Variants in EPB41L1 observed in about 807,000 individuals in gnomAD.
EPB41L1 encodes band 4.1-like protein 1.
Under a neutral mutation model 97.8 loss-of-function variants are expected in EPB41L1, and 29 were observed. That is an observed-to-expected ratio of 0.30 (90% CI 0.22 to 0.40). The LOEUF (loss-of-function observed/expected upper bound fraction) is 0.40, where lower values mean the gene tolerates loss of function less well. Ranked by LOEUF, EPB41L1 falls within the 10% of genes least tolerant of loss-of-function variation. EPB41L1 has a pLI of 1.00. For synonymous variants in EPB41L1, 383 were observed against 459.2 expected, an observed-to-expected ratio of 0.83 and a Z score of 2.12; for missense variants, 812 against 1,162.3, an observed-to-expected ratio of 0.70 and a Z score of 4.38.
At chr20:36,208,374 G>C (rs139194637) in intron 14 of EPB41L1, 1 of 448,872 alleles carries the variant, frequency 2.2e-6, no homozygotes, top group African/African-American at 2.0e-5. Flanking sequence ...GGGAAGGGGG[G>C]GCGCCTGAGA....
chr20:36,161,362 G>T (rs78530611), intron 1 of EPB41L1, among the ~76,000 whole-genome samples: 3,095 of 152,304 alleles, frequency 0.02, 123 homozygotes, highest in African/African-American at 0.07. Flanking sequence ...CTGCCACTGA[G>T]TGTCTTCTAT....
chr20:36,110,534 G>GCA (rs372413133), intron 1 of EPB41L1, among the ~76,000 whole-genome samples: 6 of 150,430 alleles, frequency 4.0e-5, no homozygotes, highest in East Asian at 1.9e-4. Context: ...ACACACATGT[G>GCA]CACACACACA....
chr20:36,210,087 C>T (rs969145704), intron 15 of EPB41L1, among the ~76,000 whole-genome samples, 189 bp downstream of exon 15: 5 of 152,208 alleles, frequency 3.3e-5, no homozygotes, highest in African/African-American at 7.2e-5. Flanking sequence ...ACCCCTAACA[C>T]GCGCTCCTTG....
At chr20:36,129,924 C>T (rs534670330) in intron 2 of EPB41L1, among the ~76,000 whole-genome samples, 6 of 149,694 alleles carry the variant, frequency 4.0e-5, no homozygotes, top group African/African-American at 9.9e-5. Flanking sequence ...CCACTGCACC[C>T]GGCAGGTTTG....
At chr20:36,119,991 G>A (rs2058702664) in intron 2 of EPB41L1, among the ~76,000 whole-genome samples, 1 of 152,130 alleles carries the variant, frequency 6.6e-6, no homozygotes, top group Admixed American at 6.5e-5. Flanking sequence ...CCCAGACCAA[G>A]CTAGTCCTTG....
chr20:36,133,855 CA>C (rs57803389), intron 2 of EPB41L1, among the ~76,000 whole-genome samples: 13,631 of 75,844 alleles, frequency 0.18, 586 homozygotes, highest in African/African-American at 0.25. Context: ...GAGACCCTGT[CA>C]AAAAAAAAAA....
chr20:36,137,405 C>T (rs952659883), intron 2 of EPB41L1, among the ~76,000 whole-genome samples: 5 of 150,476 alleles, frequency 3.3e-5, no homozygotes, highest in South Asian at 2.1e-4. Context: ...TTTTTGGATA[C>T]AGATTGGGTC....
intron 2 of EPB41L1, among the ~76,000 whole-genome samples, chr20:36,135,393 C>A (rs577887621): frequency 2.4e-4 from 37 of 152,286 alleles, no homozygotes; most frequent in African/African-American, 8.7e-4. Flanking sequence ...GGGACTGATA[C>A]CACATGGGCC....
upstream of EPB41L1, among the ~76,000 whole-genome samples, chr20:36,153,369 G>C (rs1164812432): frequency 6.6e-6 from 1 of 152,114 alleles, no homozygotes. Flanking sequence ...AATCGCATCA[G>C]GGAAGGATGG....
rs972066199 is a variant in EPB41L1, at chr20:36,175,969, A to G, written c.342+254A>G. Among the ~76,000 whole-genome samples, 3 of 152,194 alleles carry G rather than the reference A, an allele frequency of 2.0e-5. No individual in the cohort carries two copies. In the South Asian group the frequency reaches 6.2e-4, roughly 32 times the overall value. On this transcript the variant is annotated intron_variant, in intron 3 of 21. Transcript: ENST00000338074. The stretch of plus-strand genomic sequence containing the variant: ...CAGGGGAAGATTTTGCAGGGTGACT[A>G]TACCTTGGCAAGGATGCCACCATGT...
rs1439132556 is a variant in EPB41L1 at position 36,218,970 on chromosome 20, G to A, written c.2355+8G>A. 1 of 1,613,806 alleles carries A rather than the reference G, an allele frequency of 6.2e-7. No individual in the cohort carries two copies. The highest frequency in any genetic ancestry group is 8.5e-7 in the Non-Finnish European group (1 of 1,179,872). On this transcript the variant is annotated splice_region_variant and intron_variant, in intron 18 of 21. Transcript: ENST00000338074. The stretch of plus-strand genomic sequence containing the variant: ...ATCCGTTCTCTTTCTCCGGTAAGTG[G>A]GCAAGGCCAGCTCAGGCTAGGGGAC...
intron 9 of EPB41L1, 33 bp downstream of exon 9, chr20:36,188,532 C>T (rs780361452): frequency 3.7e-5 from 55 of 1,500,018 alleles, no homozygotes; most frequent in Non-Finnish European, 4.4e-5. Context: ...TCCTCCTCAC[C>T]GGAATCAACT....
At chr20:36,125,755 T>C (rs182112752) in intron 2 of EPB41L1, among the ~76,000 whole-genome samples, 1 of 151,920 alleles carries the variant, frequency 6.6e-6, no homozygotes, top group African/African-American at 2.4e-5. Context: ...GGGTATCAGG[T>C]TGGGAATGAT....
intron 7 of EPB41L1, among the ~76,000 whole-genome samples, chr20:36,185,597 G>T (rs1016733557): frequency 6.6e-5 from 10 of 152,182 alleles, no homozygotes; most frequent in Admixed American, 6.5e-4. Flanking sequence ...TGGCCTCTGA[G>T]AATAAGTTTA....
intron 1 of EPB41L1, among the ~76,000 whole-genome samples, chr20:36,159,796 T>A (rs981172222): frequency 6.6e-6 from 1 of 152,212 alleles, no homozygotes; most frequent in Non-Finnish European, 1.5e-5. Context: ...AGTGAGGACC[T>A]GGCACTTGCA....
intron 14 of EPB41L1, among the ~76,000 whole-genome samples, chr20:36,204,652 T>TGATGCACGATGATGCTTAGATCTTTAC (rs1382577082): frequency 1.3e-5 from 2 of 151,018 alleles, no homozygotes; most frequent in Non-Finnish European, 3.0e-5. Context: ...GCCTGGCCTT[T>TGATGCACGATGATGCTTAGATCTTTAC]CTTTTTTTTA....
intron 1 of EPB41L1, among the ~76,000 whole-genome samples, chr20:36,156,073 A>C (rs1484800233): frequency 6.6e-6 from 1 of 152,122 alleles, no homozygotes; most frequent in African/African-American, 2.4e-5. Context: ...CTGCCCACCC[A>C]TTCCTCCAGA....
intron 4 of EPB41L1, 62 bp downstream of exon 4, chr20:36,178,118 A>G (rs1198687723): frequency 9.0e-6 from 11 of 1,224,526 alleles, no homozygotes; most frequent in African/African-American, 1.5e-5. Flanking sequence ...AATCCTGGCC[A>G]CCCCCAACAG....
intron 13 of EPB41L1, chr20:36,197,509 C>A: frequency 2.5e-6 from 1 of 397,056 alleles, no homozygotes; most frequent in Non-Finnish European, 3.4e-6. Flanking sequence ...ACCTCTGTGA[C>A]TAAGACCGGG....
Sources: allele counts gnomAD v4.1 joint callset (sites outside exome capture counted in the v4.1 genomes callset), GRCh38; gene constraint gnomAD v4.1.1; transcripts MANE v1.5; gene names NCBI Gene and HGNC (gene_info 2026-07-23, HGNC 2026-07-21).